Variants in RIMS2 observed in about 807,000 individuals in gnomAD.
RIMS2 encodes regulating synaptic membrane exocytosis protein 2.
In RIMS2, 59 loss-of-function variants were observed where a neutral mutation model predicts 174.4. The ratio of observed to expected loss-of-function variants is 0.34; its 90% CI spans 0.27 to 0.42. The LOEUF (loss-of-function observed/expected upper bound fraction) is 0.42. Among genes scored for constraint, RIMS2 ranks in the 10% least tolerant of loss-of-function variants. RIMS2 has a pLI of 1.00. For synonymous variants in RIMS2, 606 were observed against 572.5 expected (o/e 1.06, Z -0.84); for missense variants, 1,620 against 1,666.3 (o/e 0.97, Z 0.48).
intron 2 of RIMS2, among the ~76,000 whole-genome samples, chr8:103,713,485 A>T (rs1172699570): frequency 6.6e-6 from 1 of 152,168 alleles, no homozygotes; most frequent in African/African-American, 2.4e-5. Context: ...CCACTTTGTC[A>T]TCTAAGCCAG....
intron 1 of RIMS2, among the ~76,000 whole-genome samples, chr8:103,502,343 C>T (rs73700420): frequency 0.048 from 7,315 of 152,006 alleles, 584 homozygotes; most frequent in African/African-American, 0.17. Context: ...TGAAAAATAC[C>T]ACTTTAAATA....
chr8:104,255,968 A>G (rs2099366886), downstream of RIMS2: 1 of 152,236 alleles, frequency 6.6e-6, no homozygotes, highest in South Asian at 2.1e-4. Context: ...AGTTTGAGGT[A>G]GATTCTCATC....
chr8:104,086,009 G>T (rs1395486347), intron 19 of RIMS2, among the ~76,000 whole-genome samples: 2 of 152,154 alleles, frequency 1.3e-5, no homozygotes, highest in African/African-American at 4.8e-5. Context: ...TGGATTATAT[G>T]ATCCTGGGGT....
intron 1 of RIMS2, among the ~76,000 whole-genome samples, chr8:103,511,665 A>G (rs528720861): frequency 1.3e-5 from 2 of 152,350 alleles, no homozygotes; most frequent in East Asian, 3.9e-4. Context: ...TAGAAAAAGA[A>G]AGTAATCCAA....
At chr8:103,520,032 T>C (rs1217241617) in intron 1 of RIMS2, among the ~76,000 whole-genome samples, 3 of 152,092 alleles carry the variant, frequency 2.0e-5, no homozygotes, top group Admixed American at 6.6e-5. Context: ...GTACAGTGTA[T>C]ATAAGGAAGG....
intron 19 of RIMS2, among the ~76,000 whole-genome samples, chr8:104,165,936 C>T (rs1185646814): frequency 6.6e-6 from 1 of 151,920 alleles, no homozygotes; most frequent in African/African-American, 2.4e-5. Context: ...TTAAACAAAT[C>T]ATAGACCTAC....
chr8:103,840,380 A>G (rs1269740895), intron 3 of RIMS2, among the ~76,000 whole-genome samples: 2 of 152,034 alleles, frequency 1.3e-5, no homozygotes, highest in Non-Finnish European at 2.9e-5. Flanking sequence ...GTAAAAAGTC[A>G]TTGTTCTATT....
intron 19 of RIMS2, among the ~76,000 whole-genome samples, chr8:104,125,625 G>T (rs1294980760): frequency 6.6e-6 from 1 of 152,146 alleles, no homozygotes; most frequent in African/African-American, 2.4e-5. Flanking sequence ...TATCTTAAAT[G>T]ATCCTAGAGA....
chr8:103,676,436 C>T (rs1260569516), intron 1 of RIMS2, among the ~76,000 whole-genome samples: 1 of 152,140 alleles, frequency 6.6e-6, no homozygotes, highest in African/African-American at 2.4e-5. Flanking sequence ...TCTACTTTAC[C>T]TGAGGGCCTA....
At chr8:103,923,025 A>C (rs1367812200) in intron 10 of RIMS2, among the ~76,000 whole-genome samples, 1 of 151,966 alleles carries the variant, frequency 6.6e-6, no homozygotes, top group African/African-American at 2.4e-5. Flanking sequence ...AACAGAGTGA[A>C]CTTTTTCATT....
intron 3 of RIMS2, among the ~76,000 whole-genome samples, chr8:103,805,190 G>A (rs1489349386): frequency 6.6e-6 from 1 of 152,062 alleles, no homozygotes. Flanking sequence ...TCTCTTGAGT[G>A]TTTTTGTTTA....
intron 3 of RIMS2, among the ~76,000 whole-genome samples, chr8:103,851,840 G>A (rs1164115066): frequency 6.6e-6 from 1 of 151,780 alleles, no homozygotes; most frequent in Non-Finnish European, 1.5e-5. Context: ...GCATTGCAAG[G>A]ACATGTAGAA....
chr8:104,107,977 C>CCCCA (rs1555232676), intron 19 of RIMS2, among the ~76,000 whole-genome samples: 1 of 148,052 alleles, frequency 6.8e-6, no homozygotes, highest in Non-Finnish European at 1.5e-5. Context: ...GCCCCCCCCC[C>CCCCA]ACAATGGAAA....
intron 19 of RIMS2, among the ~76,000 whole-genome samples, chr8:104,036,912 GT>G (rs1196965882): frequency 6.6e-6 from 1 of 152,032 alleles, no homozygotes. Flanking sequence ...ACCTTTTTAT[GT>G]AAGTATAGTG....
intron 1 of RIMS2, among the ~76,000 whole-genome samples, chr8:103,560,262 C>T (rs1263562500): frequency 6.6e-6 from 1 of 152,056 alleles, no homozygotes; most frequent in Non-Finnish European, 1.5e-5. Context: ...CCTGTAGTCC[C>T]AGCTACTCGG....
At chr8:104,175,418 T>C (rs1313972602) in intron 19 of RIMS2, among the ~76,000 whole-genome samples, 3 of 152,184 alleles carry the variant, frequency 2.0e-5, no homozygotes, top group East Asian at 1.9e-4. Context: ...ATGGGGTCTC[T>C]ATCCCCTCAA....
In RIMS2 at chr8:103,697,175, C is replaced by A. The variant is rs372575949; in HGVS notation, c.266C>A (p.Ala89Glu). ...CAACAGCAAGAACAGAAGGGTGATGCGCCAACCTGTGGTATCTGCCACAAA... is the reference window on the plus strand; with the variant it reads ...CAACAGCAAGAACAGAAGGGTGATGAGCCAACCTGTGGTATCTGCCACAAA... The change falls in exon 2 of 24, where the codon GCG becomes GAG. Residue 89 changes from alanine (A) to glutamate (E), a missense_variant. Physicochemically the swap from Ala to Glu is moderately radical, Grantham distance 107. Coordinates refer to ENST00000504942, the Ensembl canonical transcript of RIMS2. The A allele has an allele frequency of 6.2e-7, 1 of 1,613,418 alleles. No homozygotes were observed. Among genetic ancestry groups the A allele is most frequent in the South Asian group, 1.1e-5 (1 of 91,082 alleles).
chr8:103,763,310 C>G (rs977179273), intron 2 of RIMS2, among the ~76,000 whole-genome samples: 5 of 152,042 alleles, frequency 3.3e-5, no homozygotes, highest in African/African-American at 9.7e-5. Flanking sequence ...GTGGCACATG[C>G]CCATACTCCC....
At chr8:103,968,107 C>T (rs909842415) in intron 15 of RIMS2, among the ~76,000 whole-genome samples, 9 of 152,014 alleles carry the variant, frequency 5.9e-5, no homozygotes, top group South Asian at 2.1e-4. Flanking sequence ...GTGATCTGCC[C>T]GCCTTAGCCT....
Sources: allele counts gnomAD v4.1 joint callset (sites outside exome capture counted in the v4.1 genomes callset), GRCh38; gene constraint gnomAD v4.1.1; transcripts MANE v1.5; gene names NCBI Gene and HGNC (gene_info 2026-07-23, HGNC 2026-07-21).